MARCHF1: variants seen among roughly 807,000 people sequenced by gnomAD.
MARCHF1 encodes membrane associated ring-CH-type finger 1, also known as E3 ubiquitin-protein ligase MARCHF1.
Under a neutral mutation model 54.2 loss-of-function variants are expected in MARCHF1, and 40 were observed. The ratio of observed to expected loss-of-function variants is 0.74; its 90% CI spans 0.57 to 0.96. The LOEUF is 0.96. MARCHF1 is among the 40% of genes least tolerant of loss of function. The probability of loss-of-function intolerance (pLI) is 0.00; values close to 1 mark genes in which losing one functional copy is unlikely to be tolerated. For missense variants in MARCHF1, 586 were observed against 656.5 expected (o/e 0.89, Z 1.17); for synonymous variants, 236 against 236.3 (o/e 1.00, Z 0.01).
chr4:164,284,911 C>G lies in MARCHF1; in HGVS notation c.-323+98959G>C, dbSNP rs190400365. Among the ~76,000 whole-genome samples the G allele has an allele frequency of 2.8e-3, 419 of 151,040 alleles. 14 individuals carry two copies. The highest frequency in any genetic ancestry group is 9.7e-3 in the African/African-American group (399 of 41,190). ...TTACTTCCAAAGAATTAGGTTTCTC[C>G]CAGGAAACTCAGCTAAAGTACACAT... is the stretch of plus-strand genomic sequence containing the variant. On this transcript the variant is annotated intron_variant, in intron 1 of 9. Transcript: ENST00000514618.
chr4:164,331,217 G>C (rs1346883795), intron 1 of MARCHF1, among the ~76,000 whole-genome samples: 1 of 151,934 alleles, frequency 6.6e-6, no homozygotes, highest in Non-Finnish European at 1.5e-5. Context: ...GGCCGAGACA[G>C]AGGAAATAGA....
chr4:163,882,264 A>G (rs1419720858), intron 3 of MARCHF1, among the ~76,000 whole-genome samples: 1 of 152,234 alleles, frequency 6.6e-6, no homozygotes. Context: ...TAATTGGGCC[A>G]GTGAATTACT....
intron 1 of MARCHF1, among the ~76,000 whole-genome samples, chr4:164,241,966 C>T (rs1048327752): frequency 8.5e-5 from 13 of 152,324 alleles, no homozygotes; most frequent in East Asian, 3.9e-4. Flanking sequence ...ACACCTGGCT[C>T]GGAGGGTCCT....
At chr4:164,342,167 A>G (rs1023146653) in intron 1 of MARCHF1, among the ~76,000 whole-genome samples, 1 of 152,204 alleles carries the variant, frequency 6.6e-6, no homozygotes, top group Admixed American at 6.5e-5. Context: ...CATTTTCCCA[A>G]AGAAGACATA....
At chr4:164,097,173 A>C (rs1579529744) in intron 2 of MARCHF1, among the ~76,000 whole-genome samples, 1 of 152,272 alleles carries the variant, frequency 6.6e-6, no homozygotes, top group South Asian at 2.1e-4. Context: ...TATTTTTTGA[A>C]CTTACTGCCT....
At chr4:164,043,627 A>G in intron 2 of MARCHF1, among the ~76,000 whole-genome samples, 1 of 152,148 alleles carries the variant, frequency 6.6e-6, no homozygotes, top group Non-Finnish European at 1.5e-5. Context: ...GGCTATTATC[A>G]TGTGGGTCTT....
At chr4:164,298,687 T>C (rs1394471536) in intron 1 of MARCHF1, among the ~76,000 whole-genome samples, 1 of 152,148 alleles carries the variant, frequency 6.6e-6, no homozygotes, top group Admixed American at 6.6e-5. Flanking sequence ...TAGTATGATA[T>C]AACTCTAAGG....
At chr4:164,046,724 C>A (rs149721510) in intron 2 of MARCHF1, among the ~76,000 whole-genome samples, 189 of 152,222 alleles carry the variant, frequency 1.2e-3, no homozygotes, top group Admixed American at 2.0e-3. Context: ...GACATCACTG[C>A]ATTCTACAAA....
chr4:164,194,663 G>A (rs1410059258), intron 1 of MARCHF1, among the ~76,000 whole-genome samples: 4 of 152,026 alleles, frequency 2.6e-5, no homozygotes, highest in South Asian at 2.1e-4. Context: ...GTTCTATGAC[G>A]CATTTAATGG....
rs1239519909 is a variant in MARCHF1 at position 163,612,299 on chromosome 4, C to A, written c.982G>T (p.Asp328Tyr). 2 of 1,517,542 alleles carry A rather than the reference C, an allele frequency of 1.3e-6. No homozygotes were observed. Among genetic ancestry groups the A allele is most frequent in the South Asian group, 2.5e-5 (2 of 80,540 alleles). The allele number at this position is 1,517,542 out of a possible 1,614,324, so 94.0% of individuals were successfully genotyped here. The part of the protein sequence containing the change: ...PVQKPPATYD[D>Y]GSDNLEVCRI... ...CATACTTCTAAATTATCAGACCCAT[C>A]GTCATAGGTGGCAGGAGGCTTCTGA... is the stretch of plus-strand genomic sequence containing the variant. The change falls in exon 7 of 10, where the codon GAT (aspartate) becomes TAT (tyrosine). Residue 328 changes from aspartate (D) to tyrosine (Y), a missense_variant. This residue lies in a region of MARCHF1 where 387 missense variants were observed against 394.6 expected (regional missense o/e 0.98). Transcript: ENST00000514618.
At chr4:163,926,500 A>G (rs1176505176) in intron 3 of MARCHF1, among the ~76,000 whole-genome samples, 1 of 151,604 alleles carries the variant, frequency 6.6e-6, no homozygotes, top group African/African-American at 2.4e-5. Context: ...GGGCCAATAC[A>G]TAGTAATGGA....
intron 5 of MARCHF1, among the ~76,000 whole-genome samples, chr4:163,647,029 T>A (rs1009143427): frequency 6.6e-6 from 1 of 152,074 alleles, no homozygotes; most frequent in Admixed American, 6.6e-5. Flanking sequence ...ACTTCAGCTT[T>A]AAGGACACAC....
chr4:164,171,413 C>T (rs1056219727), intron 1 of MARCHF1, among the ~76,000 whole-genome samples: 2 of 152,020 alleles, frequency 1.3e-5, no homozygotes, highest in African/African-American at 4.8e-5. Flanking sequence ...TTGTTTATGT[C>T]TACCCACTTG....
intron 1 of MARCHF1, among the ~76,000 whole-genome samples, chr4:164,292,191 T>C (rs1253695060): frequency 6.6e-6 from 1 of 152,176 alleles, no homozygotes; most frequent in African/African-American, 2.4e-5. Context: ...AGGGCTCTTT[T>C]AGATTTATTT....
chr4:163,949,290 T>C (rs1050457236), intron 3 of MARCHF1, among the ~76,000 whole-genome samples: 1 of 152,172 alleles, frequency 6.6e-6, no homozygotes, highest in African/African-American at 2.4e-5. Flanking sequence ...CCAGGAGCAC[T>C]GCAAACGGCT....
intron 3 of MARCHF1, among the ~76,000 whole-genome samples, chr4:163,934,338 T>C (rs888918435): frequency 3.9e-5 from 6 of 152,202 alleles, no homozygotes; most frequent in African/African-American, 1.4e-4. Context: ...GCAGGAGGAT[T>C]GCTTGAGGCC....
chr4:163,687,056 C>A (rs1354025367), intron 5 of MARCHF1, among the ~76,000 whole-genome samples: 1 of 152,018 alleles, frequency 6.6e-6, no homozygotes, highest in Non-Finnish European at 1.5e-5. Context: ...GATGGGCAGC[C>A]ACAAAGAGAA....
At chr4:163,858,350 C>G (rs1371692034) in intron 3 of MARCHF1, among the ~76,000 whole-genome samples, 1 of 152,102 alleles carries the variant, frequency 6.6e-6, no homozygotes, top group East Asian at 1.9e-4. Context: ...CTCTATTTAT[C>G]TCTCTGTCTC....
At chr4:163,569,668 A>G (rs190991922) in intron 8 of MARCHF1, among the ~76,000 whole-genome samples, 23 of 152,236 alleles carry the variant, frequency 1.5e-4, no homozygotes, top group Admixed American at 1.4e-3. Context: ...GCTTTTAAGA[A>G]CCCACACCCT....
Sources: allele counts gnomAD v4.1 joint callset (sites outside exome capture counted in the v4.1 genomes callset), GRCh38; gene constraint gnomAD v4.1.1; regional missense constraint gnomAD v4.1.1; transcripts MANE v1.5; gene names NCBI Gene and HGNC (gene_info 2026-07-23, HGNC 2026-07-21).